SH3KBP1: variants seen among roughly 807,000 people sequenced by gnomAD.
The protein encoded by SH3KBP1 is SH3 domain containing kinase binding protein 1.
Under a neutral mutation model 50.1 loss-of-function variants are expected in SH3KBP1, and 8 were observed. The ratio of observed to expected loss-of-function variants is 0.16; its 90% CI spans 0.09 to 0.29. SH3KBP1 has a LOEUF of 0.29. SH3KBP1 is among the 10% of genes least tolerant of loss of function. SH3KBP1 has a pLI of 1.00. For missense variants in SH3KBP1, 377 were observed against 535.2 expected, an observed-to-expected ratio of 0.70 and a Z score of 2.92; for synonymous variants, 227 against 218.6, an observed-to-expected ratio of 1.04 and a Z score of -0.34.
intron 3 of SH3KBP1, among the ~76,000 whole-genome samples, chrX:19,712,109 G>A (rs757971892): frequency 8.9e-6 from 1 of 112,116 alleles, no homozygotes; most frequent in Non-Finnish European, 1.9e-5. Flanking sequence ...TATTGAAATC[G>A]ACTAGGGAGC....
intron 6 of SH3KBP1, among the ~76,000 whole-genome samples, chrX:19,680,525 G>A (rs1210530301): frequency 9.0e-6 from 1 of 111,224 alleles, no homozygotes; most frequent in Non-Finnish European, 1.9e-5. Flanking sequence ...GTCGCAGCCT[G>A]AGCAGACCTA....
chrX:19,848,530 G>A (rs2068420895), intron 1 of SH3KBP1, among the ~76,000 whole-genome samples: 1 of 112,191 alleles, frequency 8.9e-6, no homozygotes, highest in Admixed American at 9.4e-5. Flanking sequence ...GGCCACCTTT[G>A]GAAGATGCTA....
intron 14 of SH3KBP1, among the ~76,000 whole-genome samples, chrX:19,548,971 T>A (rs1211745892): frequency 8.9e-6 from 1 of 112,267 alleles, no homozygotes; most frequent in African/African-American, 3.2e-5. Context: ...CCCAAGTCAA[T>A]AATTTTAGAG....
intron 1 of SH3KBP1, among the ~76,000 whole-genome samples, chrX:19,837,818 A>G (rs2068101122): frequency 8.9e-6 from 1 of 111,835 alleles, no homozygotes; most frequent in Non-Finnish European, 1.9e-5. Flanking sequence ...GATAGCAAAA[A>G]TTAGATAAAT....
chrX:19,693,247 G>C lies in SH3KBP1; in HGVS notation c.520+2365C>G, dbSNP rs774106618. On this transcript the variant is annotated intron_variant, in intron 5 of 17. Transcript: ENST00000397821. ...TGAAAGCAGGGACCCTGTCTGATTTGTCTCTGTATATCGTCAGTGCCTTGG... is the reference window on the plus strand; with the variant it reads ...TGAAAGCAGGGACCCTGTCTGATTTCTCTCTGTATATCGTCAGTGCCTTGG... Among the ~76,000 whole-genome samples the C allele has an allele frequency of 7.2e-5, 8 of 111,488 alleles. No homozygotes were observed. In the South Asian group the frequency reaches 2.3e-3, roughly 32 times the overall value.
chrX:19,717,679 T>C (rs939395038), intron 3 of SH3KBP1, among the ~76,000 whole-genome samples: 4 of 111,871 alleles, frequency 3.6e-5, no homozygotes, highest in African/African-American at 1.3e-4. Flanking sequence ...TGTGTCGAAG[T>C]TGGTCAATTA....
At chrX:19,606,101 T>C (rs776220820) in intron 9 of SH3KBP1, among the ~76,000 whole-genome samples, 10 of 112,143 alleles carry the variant, frequency 8.9e-5, no homozygotes, top group Non-Finnish European at 1.3e-4. Context: ...AAGACTGGAA[T>C]AGTTAATCTG....
chrX:19,735,428 T>G (rs934380978), intron 3 of SH3KBP1, among the ~76,000 whole-genome samples: 1 of 110,389 alleles, frequency 9.1e-6, no homozygotes, highest in East Asian at 2.8e-4. Context: ...GTCTTCTTTT[T>G]GTACATAGGC....
At chrX:19,734,157 T>C (rs762218087) in intron 3 of SH3KBP1, among the ~76,000 whole-genome samples, 5 of 112,112 alleles carry the variant, frequency 4.5e-5, no homozygotes, top group African/African-American at 1.6e-4. Context: ...AAGCACAGAA[T>C]TTAGAATATA....
intron 1 of SH3KBP1, among the ~76,000 whole-genome samples, chrX:19,853,439 T>G (rs749091551): frequency 9.0e-6 from 1 of 110,707 alleles, no homozygotes; most frequent in Non-Finnish European, 1.9e-5. Context: ...GATGGTGGCA[T>G]GTGGAAACAT....
At chrX:19,677,318 T>TG (rs2062952089) in intron 6 of SH3KBP1, among the ~76,000 whole-genome samples, 1 of 111,504 alleles carries the variant, frequency 9.0e-6, no homozygotes, top group Non-Finnish European at 1.9e-5. Context: ...AGGGCCAGAC[T>TG]GGGGTCACAG....
intron 2 of SH3KBP1, among the ~76,000 whole-genome samples, chrX:19,769,353 T>C (rs2065717663): frequency 9.1e-6 from 1 of 110,058 alleles, no homozygotes; most frequent in Non-Finnish European, 1.9e-5. Flanking sequence ...ATCCACCCAG[T>C]TTGGCCTCCC....
intron 11 of SH3KBP1, 78 bp from the exon 12 acceptor site, chrX:19,588,880 C>A: frequency 7.5e-6 from 6 of 795,624 alleles, no homozygotes; most frequent in South Asian, 4.5e-5. Flanking sequence ...TCATTTCCTG[C>A]TAAAAAAAAA....
intron 2 of SH3KBP1, among the ~76,000 whole-genome samples, chrX:19,750,089 T>C (rs2065019328): frequency 9.0e-6 from 1 of 110,992 alleles, no homozygotes; most frequent in Non-Finnish European, 1.9e-5. Context: ...TGAGACAGTC[T>C]CACTCTGTTG....
intron 6 of SH3KBP1, 77 bp downstream of exon 6, chrX:19,683,746 C>T (rs980000852): frequency 7.2e-5 from 70 of 965,561 alleles, no homozygotes; most frequent in Non-Finnish European, 9.6e-5. Context: ...AATTGGAAGC[C>T]TCCAGCACCA....
intron 16 of SH3KBP1, among the ~76,000 whole-genome samples, chrX:19,538,896 T>TAA (rs2064802381): frequency 8.9e-6 from 1 of 112,504 alleles, no homozygotes; most frequent in African/African-American, 3.2e-5. Context: ...CTATTTCCTT[T>TAA]ATTTTCAATA....
chrX:19,851,314 AAAAAAG>A (rs1197234031), intron 1 of SH3KBP1, among the ~76,000 whole-genome samples: 1 of 112,038 alleles, frequency 8.9e-6, no homozygotes, highest in Non-Finnish European at 1.9e-5. Context: ...CACTGGGGAA[AAAAAAG>A]AAAAACACTT....
At chrX:19,625,761 ACT>A (rs1307191381) in intron 8 of SH3KBP1, among the ~76,000 whole-genome samples, 2 of 111,543 alleles carry the variant, frequency 1.8e-5, no homozygotes, top group African/African-American at 6.5e-5. Context: ...AACAATGAGG[ACT>A]CTCAATGAGT....
At chrX:19,666,398 A>G (rs1236336930) in intron 6 of SH3KBP1, among the ~76,000 whole-genome samples, 2 of 110,099 alleles carry the variant, frequency 1.8e-5, no homozygotes, top group Non-Finnish European at 3.8e-5. Flanking sequence ...TCACCATTAA[A>G]CCTCTGAAAC....
Sources: allele counts gnomAD v4.1 joint callset (sites outside exome capture counted in the v4.1 genomes callset), GRCh38; gene constraint gnomAD v4.1.1; transcripts MANE v1.5; gene names NCBI Gene and HGNC (gene_info 2026-07-23, HGNC 2026-07-21).